The following LOC400499 variants were observed in gnomAD, a reference collection of about 807,000 sequenced individuals.
chr16:11,459,222 A>T, the LOC400499 span, among the ~76,000 whole-genome samples: 2,694 of 100,816 alleles, frequency 0.027, 103 homozygotes, highest in African/African-American at 0.098. Context: ...TTTGAAAAGG[A>T]GTCTCGCTGT....
At chr16:11,508,980 G>A in the LOC400499 span, 1 of 397,478 alleles carries the variant, frequency 2.5e-6, no homozygotes, top group Non-Finnish European at 4.4e-6. Flanking sequence ...CAACAGGTAA[G>A]AGGGGTGTCT....
chr16:11,399,217 C>A, the LOC400499 span: 1 of 985,430 alleles, frequency 1.0e-6, no homozygotes, highest in South Asian at 4.7e-5. Flanking sequence ...AGCATCCCAC[C>A]TTCTTCCCCA....
At chr16:11,390,418 C>T in the LOC400499 span, 20 of 1,251,964 alleles carry the variant, frequency 1.6e-5, no homozygotes, top group African/African-American at 1.5e-4. Flanking sequence ...CTCCAGGGGC[C>T]GCAGTGTCAC....
At chr16:11,459,938 G>A in the LOC400499 span, 361 of 1,501,864 alleles carry the variant, frequency 2.4e-4, no homozygotes, top group Non-Finnish European at 3.0e-4. Context: ...AGTCATTCTT[G>A]AAGGTCTGGC....
chr16:11,421,351 T>G, the LOC400499 span, among the ~76,000 whole-genome samples: 1 of 152,104 alleles, frequency 6.6e-6, no homozygotes, highest in Non-Finnish European at 1.5e-5. Flanking sequence ...GGTTGCAAAC[T>G]GGTGGCCCTT....
At chr16:11,383,220 C>T in the LOC400499 span, among the ~76,000 whole-genome samples, 1 of 151,960 alleles carries the variant, frequency 6.6e-6, no homozygotes, top group Non-Finnish European at 1.5e-5. Flanking sequence ...CGCCCGCAAC[C>T]ATGCCCGGCT....
the LOC400499 span, among the ~76,000 whole-genome samples, chr16:11,512,549 C>T: frequency 1.5e-4 from 23 of 151,078 alleles, no homozygotes; most frequent in Non-Finnish European, 2.5e-4. Flanking sequence ...TGCAGTGGGC[C>T]AGGATCACGC....
At chr16:11,386,705 C>T in the LOC400499 span, among the ~76,000 whole-genome samples, 13 of 152,252 alleles carry the variant, frequency 8.5e-5, no homozygotes, top group South Asian at 1.0e-3. Flanking sequence ...TGGAGGAAAC[C>T]GAGTCCCACA....
the LOC400499 span, among the ~76,000 whole-genome samples, chr16:11,421,447 T>C: frequency 1.5e-4 from 23 of 152,094 alleles, no homozygotes; most frequent in African/African-American, 5.1e-4. Context: ...TGCCACCCAG[T>C]CCGGAGTGCA....
chr16:11,409,059 A>AAG, the LOC400499 span, among the ~76,000 whole-genome samples: 32 of 151,694 alleles, frequency 2.1e-4, no homozygotes, highest in East Asian at 6.2e-3. Context: ...TCAGGAGTTC[A>AAG]AGACCAGCCC....
At chr16:11,477,411 C>A in the LOC400499 span, among the ~76,000 whole-genome samples, 1 of 152,224 alleles carries the variant, frequency 6.6e-6, no homozygotes, top group East Asian at 1.9e-4. Context: ...CGCCATGTGG[C>A]CCCAGGCTGT....
At chr16:11,402,801 C>A in the LOC400499 span, among the ~76,000 whole-genome samples, 1 of 152,148 alleles carries the variant, frequency 6.6e-6, no homozygotes, top group Non-Finnish European at 1.5e-5. Flanking sequence ...CTTTATGCCG[C>A]TGAGTTTCGG....
At chr16:11,461,136 C>G in the LOC400499 span, 2 of 1,526,898 alleles carry the variant, frequency 1.3e-6, no homozygotes, top group East Asian at 2.5e-5. Flanking sequence ...GGACAGAGAG[C>G]AGGCAGATGA....
chr16:11,420,966 C>A, the LOC400499 span, among the ~76,000 whole-genome samples: 1 of 152,182 alleles, frequency 6.6e-6, no homozygotes, highest in African/African-American at 2.4e-5. Flanking sequence ...CAGCACAGGG[C>A]CCAGGGCTGG....
the LOC400499 span, among the ~76,000 whole-genome samples, chr16:11,377,450 G>A: frequency 6.6e-6 from 1 of 152,096 alleles, no homozygotes; most frequent in Non-Finnish European, 1.5e-5. Flanking sequence ...GTTAGCTGAG[G>A]GTGGTTCATA....
At chr16:11,461,740 G>C in the LOC400499 span, among the ~76,000 whole-genome samples, 1 of 152,076 alleles carries the variant, frequency 6.6e-6, no homozygotes, top group African/African-American at 2.4e-5. Flanking sequence ...CCCAGCTCCT[G>C]TCCTTACCTT....
the LOC400499 span, among the ~76,000 whole-genome samples, chr16:11,459,704 C>G: frequency 2.6e-5 from 4 of 152,226 alleles, no homozygotes; most frequent in Admixed American, 1.3e-4. Flanking sequence ...CCTTGGCACT[C>G]TGACAAGTGT....
the LOC400499 span, among the ~76,000 whole-genome samples, chr16:11,428,763 C>G: frequency 6.6e-6 from 1 of 152,192 alleles, no homozygotes; most frequent in Admixed American, 6.5e-5. Context: ...TACCCAGCCC[C>G]TATTCAAGAT....
At chr16:11,393,632 G>T in the LOC400499 span, 1 of 1,194,322 alleles carries the variant, frequency 8.4e-7, no homozygotes, top group Non-Finnish European at 1.0e-6. Flanking sequence ...GCCCGCCCCA[G>T]GCTCAGGAAG....
Sources: allele counts gnomAD v4.1 joint callset (sites outside exome capture counted in the v4.1 genomes callset), GRCh38; gene constraint gnomAD v4.1.1; transcripts MANE v1.5.